SH3RF3: variants seen among roughly 807,000 people sequenced by gnomAD.
SH3RF3 encodes the protein E3 ubiquitin-protein ligase SH3RF3.
A neutral mutation model predicts 66.3 loss-of-function variants in SH3RF3; 29 were observed. That is an observed-to-expected ratio of 0.44 (90% CI 0.33 to 0.60). SH3RF3 has a LOEUF of 0.60. Among genes scored for constraint, SH3RF3 ranks in the 20% least tolerant of loss-of-function variants. SH3RF3 has a pLI of 0.04. For missense variants in SH3RF3, 1,194 were observed against 1,190.9 expected, an observed-to-expected ratio of 1.00 and a Z score of -0.04; for synonymous variants, 583 against 532.0, an observed-to-expected ratio of 1.10 and a Z score of -1.32.
chr2:109,459,824 T>G (rs1678164819), intron 8 of SH3RF3, among the ~76,000 whole-genome samples: 1 of 152,134 alleles, frequency 6.6e-6, no homozygotes, highest in African/African-American at 2.4e-5. Context: ...AAGCAGACAT[T>G]TTGCTAGTGG....
chr2:109,140,500 C>T (rs1237186351), intron 1 of SH3RF3, among the ~76,000 whole-genome samples: 2 of 152,116 alleles, frequency 1.3e-5, no homozygotes, highest in Admixed American at 6.5e-5. Context: ...CCTGTCTCAG[C>T]CTCCCGAGTA....
At chr2:109,421,798 C>G (rs1676891047) in intron 5 of SH3RF3, among the ~76,000 whole-genome samples, 1 of 152,202 alleles carries the variant, frequency 6.6e-6, no homozygotes, top group Non-Finnish European at 1.5e-5. Flanking sequence ...GCCCTCCATG[C>G]AGGAGCTGGA....
intron 1 of SH3RF3, among the ~76,000 whole-genome samples, chr2:109,172,090 G>A (rs1338150956): frequency 4.6e-5 from 7 of 152,226 alleles, no homozygotes; most frequent in Non-Finnish European, 8.8e-5. Context: ...TGATATGCAC[G>A]TCATTTCCCA....
intron 1 of SH3RF3, among the ~76,000 whole-genome samples, chr2:109,181,031 T>C (rs1001921446): frequency 3.3e-5 from 5 of 152,272 alleles, no homozygotes; most frequent in Middle Eastern, 3.4e-3. Context: ...CTTGACAAAG[T>C]CCTTTGATGG....
intron 4 of SH3RF3, among the ~76,000 whole-genome samples, chr2:109,414,035 G>C (rs1004687405): frequency 1.3e-5 from 2 of 152,244 alleles, no homozygotes; most frequent in African/African-American, 4.8e-5. Context: ...AATGGACAAT[G>C]ACATTCCCTC....
chr2:109,288,348 A>G (rs1441264221), intron 1 of SH3RF3, among the ~76,000 whole-genome samples: 1 of 152,224 alleles, frequency 6.6e-6, no homozygotes, highest in Non-Finnish European at 1.5e-5. Flanking sequence ...TTCTTAATGT[A>G]TTAGGGAACA....
At chr2:109,487,402 T>C (rs1679012652) in intron 8 of SH3RF3, among the ~76,000 whole-genome samples, 1 of 152,196 alleles carries the variant, frequency 6.6e-6, no homozygotes, top group Non-Finnish European at 1.5e-5. Context: ...TGACGATTGT[T>C]AGTACTGGGA....
chr2:109,269,480 G>T (rs895393195), intron 1 of SH3RF3, among the ~76,000 whole-genome samples: 1 of 152,178 alleles, frequency 6.6e-6, no homozygotes, highest in African/African-American at 2.4e-5. Context: ...ACCAGGTAGT[G>T]CTTAAAAGAT....
At chr2:109,134,209 C>T (rs193140965) in intron 1 of SH3RF3, among the ~76,000 whole-genome samples, 1 of 152,116 alleles carries the variant, frequency 6.6e-6, no homozygotes, top group Admixed American at 6.5e-5. Context: ...GATATTTGGG[C>T]AAGTCAGAGA....
At chr2:109,479,284 GACTT>G (rs1179951503) in intron 8 of SH3RF3, among the ~76,000 whole-genome samples, 1 of 152,160 alleles carries the variant, frequency 6.6e-6, no homozygotes, top group Non-Finnish European at 1.5e-5. Flanking sequence ...ACGGTCCTGT[GACTT>G]AGTTAGGGGA....
chr2:109,396,654 A>T (rs1243908401), intron 3 of SH3RF3, among the ~76,000 whole-genome samples: 2 of 152,188 alleles, frequency 1.3e-5, no homozygotes, highest in Admixed American at 1.3e-4. Context: ...TCACTGATTG[A>T]CAGCATTGAG....
intron 2 of SH3RF3, among the ~76,000 whole-genome samples, chr2:109,368,587 A>G (rs1683195200): frequency 6.6e-6 from 1 of 151,864 alleles, no homozygotes; most frequent in African/African-American, 2.4e-5. Flanking sequence ...TAATTTTTCT[A>G]GGTAGAAAAT....
intron 7 of SH3RF3, among the ~76,000 whole-genome samples, chr2:109,445,905 CAT>C (rs1237955500): frequency 6.6e-6 from 1 of 152,034 alleles, no homozygotes; most frequent in African/African-American, 2.4e-5. Flanking sequence ...ATACTAGGGA[CAT>C]AGAATGAACT....
At chr2:109,156,449 G>GTT (rs113467046) in intron 1 of SH3RF3, among the ~76,000 whole-genome samples, 108 of 145,276 alleles carry the variant, frequency 7.4e-4, no homozygotes, top group African/African-American at 2.5e-3. Flanking sequence ...GAATTTTAAG[G>GTT]TTTTTTTTTT....
In SH3RF3 at chr2:109,380,789, C is replaced by T. The variant is rs78347470; in HGVS notation, c.945+9108C>T. ...GCAATCCCTGCCCACCAGGTGCCCC[C>T]CACCACCTGCATAGGCAGACATCAA... On this transcript the variant is annotated intron_variant, in intron 3 of 9. Coordinates refer to ENST00000309415, the MANE Select transcript of SH3RF3 (RefSeq NM_001099289.3). Among the ~76,000 whole-genome samples, 964 of 152,322 alleles carry T rather than the reference C, an allele frequency of 6.3e-3. 10 individuals carry two copies. The highest frequency in any genetic ancestry group is 0.047 in the East Asian group (245 of 5,172).
rs535697749 is a variant in SH3RF3, at chr2:109,384,631, G to A, written c.945+12950G>A. 9.2e-5 allele frequency among the ~76,000 whole-genome samples: 14 copies of A among 152,252 alleles called. No individual in the cohort carries two copies. In the South Asian group the frequency reaches 1.7e-3, roughly 18 times the overall value. On this transcript the variant is annotated intron_variant, in intron 3 of 9. Transcript: ENST00000309415. ...CAGGCCCCTTCTCTGCCGAGTGCCC[G>A]CGACCTTGTGCCTGTGTCCATAGAC...
At chr2:109,274,704 A>G (rs1408212086) in intron 1 of SH3RF3, among the ~76,000 whole-genome samples, 3 of 152,240 alleles carry the variant, frequency 2.0e-5, no homozygotes. Flanking sequence ...TCTGATAGAT[A>G]GAGGTCGTGG....
chr2:109,424,317 A>G (rs1316337148), intron 5 of SH3RF3, among the ~76,000 whole-genome samples: 1 of 152,218 alleles, frequency 6.6e-6, no homozygotes, highest in Admixed American at 6.5e-5. Context: ...CAGTGCAGCC[A>G]CCACAGTGAG....
chr2:109,319,018 A>T (rs754468445), intron 1 of SH3RF3, among the ~76,000 whole-genome samples: 27 of 152,232 alleles, frequency 1.8e-4, no homozygotes, highest in Non-Finnish European at 3.8e-4. Context: ...CTGGGATTAC[A>T]GATGGGAAAG....
Sources: gnomAD v4.1 joint callset for allele counts (sites outside exome capture counted in the v4.1 genomes callset) on GRCh38, gnomAD v4.1.1 for gene constraint, MANE v1.5 for transcripts, NCBI Gene and HGNC (gene_info 2026-07-23, HGNC 2026-07-21) for gene names.